SLC31A1: variants seen among roughly 807,000 people sequenced by gnomAD.
SLC31A1 encodes the protein solute carrier family 31 member 1.
Under a neutral mutation model 17.2 loss-of-function variants are expected in SLC31A1, and 5 were observed. The observed-to-expected ratio is 0.29, with a 90% CI of 0.15 to 0.61. SLC31A1 has a LOEUF of 0.61. Ranked by LOEUF, SLC31A1 falls within the 20% of genes least tolerant of loss-of-function variation. SLC31A1 has a pLI of 0.86. For missense variants in SLC31A1, 161 were observed against 241.4 expected, an observed-to-expected ratio of 0.67 and a Z score of 2.21; for synonymous variants, 76 against 78.8, an observed-to-expected ratio of 0.96 and a Z score of 0.19.
chr9:113,243,409 CT>C, intron 1 of SLC31A1, among the ~76,000 whole-genome samples: 1 of 152,270 alleles, frequency 6.6e-6, no homozygotes, highest in East Asian at 1.9e-4. Context: ...CACGTTATCA[CT>C]TTTTCCAGGA....
At chr9:113,246,930 G>T (rs1049492945) in intron 1 of SLC31A1, among the ~76,000 whole-genome samples, 3 of 152,096 alleles carry the variant, frequency 2.0e-5, no homozygotes, top group Admixed American at 2.0e-4. Context: ...GTGAGCCACC[G>T]CACCCGACCA....
chr9:113,247,387 A>T (rs7858741), intron 1 of SLC31A1, among the ~76,000 whole-genome samples: 11,904 of 152,246 alleles, frequency 0.078, 585 homozygotes, highest in South Asian at 0.14. Context: ...CCATGTGCAG[A>T]TGTATGACTA....
rs182399213 is a variant in SLC31A1, at chr9:113,252,457, G to A, written c.-35-3657G>A. On this transcript the variant is annotated intron_variant, in intron 1 of 4. Transcript: ENST00000374212. ...ACTACAGGTGCCTGCCACTAGGTCC[G>A]GGTACTTTTTGTATTTTCAGTAGAG... Among the ~76,000 whole-genome samples, 13 of 152,210 alleles carry A rather than the reference G, an allele frequency of 8.5e-5. No homozygotes were observed. The East Asian group carries it at 2.5e-3, about 29-fold the overall frequency.
intron 1 of SLC31A1, among the ~76,000 whole-genome samples, chr9:113,251,170 G>A (rs1011369160): frequency 1.3e-5 from 2 of 152,122 alleles, no homozygotes; most frequent in African/African-American, 4.8e-5. Flanking sequence ...TGCCTGTTAT[G>A]CCAGCACTTT....
chr9:113,221,676 A>G lies in SLC31A1; in HGVS notation c.-38A>G. On this transcript the variant is annotated splice_region_variant and 5_prime_UTR_variant, in exon 1 of 5. Coordinates refer to ENST00000374212, the MANE Select transcript of SLC31A1 (RefSeq NM_001859.4). ...TGCTAGTGGCTGGACTTGACCTGGA[A>G]AGGTAAGGCTTCTCTCGGCCCCTCT... 3.3e-6 allele frequency: 1 copy of G among 302,338 alleles called. No homozygotes were observed. Among genetic ancestry groups the G allele is most frequent in the Non-Finnish European group, 6.5e-6 (1 of 153,350 alleles). 18.7% of individuals were successfully genotyped at this position (302,338 alleles called of 1,614,324 possible).
chr9:113,245,228 T>G (rs538655849), intron 1 of SLC31A1, among the ~76,000 whole-genome samples: 5 of 152,118 alleles, frequency 3.3e-5, no homozygotes, highest in South Asian at 2.1e-4. Flanking sequence ...ATTTGGGTTT[T>G]GTTTTGTTTG....
chr9:113,251,617 T>A (rs1005789119), intron 1 of SLC31A1, among the ~76,000 whole-genome samples: 4 of 152,118 alleles, frequency 2.6e-5, no homozygotes, highest in Non-Finnish European at 4.4e-5. Context: ...CTAGAGAGAA[T>A]GGGTTAGGTG....
chr9:113,221,573 C>T lies in SLC31A1; in HGVS notation c.-141C>T. On this transcript the variant is annotated 5_prime_UTR_variant, in exon 1 of 5. Coordinates refer to ENST00000374212, the MANE Select transcript of SLC31A1 (RefSeq NM_001859.4). ...CCTCGGCCTCGGTGGCGGTGGTGGA[C>T]ACGTCGAGCCGGGTAGAAGTGGAGG... The T allele has an allele frequency of 4.5e-6, 2 of 442,028 alleles. No homozygotes were observed. The highest frequency in any genetic ancestry group is 4.2e-6 in the Non-Finnish European group (1 of 236,046). The allele number at this position is 442,028 out of a possible 1,614,324, so 27.4% of individuals were successfully genotyped here.
chr9:113,236,062 A>C (rs903116162), intron 1 of SLC31A1, among the ~76,000 whole-genome samples: 1 of 152,214 alleles, frequency 6.6e-6, no homozygotes. Context: ...ATCTCGGCTC[A>C]CTGCAACCTC....
chr9:113,263,462 T>G lies in SLC31A1; in HGVS notation c.*2989T>G, dbSNP rs545799686. 3 of 152,802 alleles carry G rather than the reference T, an allele frequency of 2.0e-5. No individual in the cohort carries two copies. Among genetic ancestry groups the G allele is most frequent in the Admixed American group, 2.0e-4 (3 of 15,290 alleles). The allele number at this position is 152,802 out of a possible 1,614,324, so 9.5% of individuals were successfully genotyped here. A position where few individuals can be genotyped will look rare whatever the true frequency, so the allele number is the denominator to read the frequency against. On this transcript the variant is annotated 3_prime_UTR_variant, in exon 5 of 5. Coordinates refer to ENST00000374212, the MANE Select transcript of SLC31A1 (RefSeq NM_001859.4). ...TTCTTTGTTCATTTTGGATCTAAAC[T>G]TCTCTTTTCTTCCTTCCCCATTCAC...
At chr9:113,222,696 G>T (rs777231766) in intron 1 of SLC31A1, among the ~76,000 whole-genome samples, 4 of 152,186 alleles carry the variant, frequency 2.6e-5, no homozygotes, top group Non-Finnish European at 4.4e-5. Context: ...AGCAGCGAAG[G>T]CTCACAGTTG....
chr9:113,250,631 A>C (rs1262769571), intron 1 of SLC31A1, among the ~76,000 whole-genome samples: 1 of 151,462 alleles, frequency 6.6e-6, no homozygotes, highest in Non-Finnish European at 1.5e-5. Flanking sequence ...ATACATATGT[A>C]ACTAACCTGC....
At chr9:113,230,287 G>A (rs1196107705) in intron 1 of SLC31A1, among the ~76,000 whole-genome samples, 3 of 152,132 alleles carry the variant, frequency 2.0e-5, no homozygotes, top group Non-Finnish European at 4.4e-5. Flanking sequence ...GCGGTGGCGC[G>A]ATCTCAGCTC....
intron 1 of SLC31A1, among the ~76,000 whole-genome samples, chr9:113,233,053 A>G (rs1255678813): frequency 2.0e-5 from 3 of 152,240 alleles, no homozygotes; most frequent in African/African-American, 4.8e-5. Context: ...GGTAGTTGCT[A>G]TAAACATCCT....
At chr9:113,255,556 A>G (rs965068628) in intron 1 of SLC31A1, among the ~76,000 whole-genome samples, 1 of 152,058 alleles carries the variant, frequency 6.6e-6, no homozygotes, top group Non-Finnish European at 1.5e-5. Flanking sequence ...GTACGATAAA[A>G]CAAAAAATTA....
intron 1 of SLC31A1, among the ~76,000 whole-genome samples, chr9:113,235,877 C>G (rs1377687861): frequency 2.0e-5 from 3 of 152,176 alleles, no homozygotes; most frequent in Non-Finnish European, 4.4e-5. Context: ...AAGATTGGTT[C>G]TGGAAAGTAA....
intron 1 of SLC31A1, among the ~76,000 whole-genome samples, chr9:113,221,890 C>G (rs1015543112): frequency 6.6e-6 from 1 of 152,232 alleles, no homozygotes; most frequent in Admixed American, 6.5e-5. Context: ...CTCAGTTTCC[C>G]CGTGTATGCA....
intron 1 of SLC31A1, among the ~76,000 whole-genome samples, chr9:113,228,954 C>T (rs1252608880): frequency 6.6e-6 from 1 of 151,888 alleles, no homozygotes; most frequent in Non-Finnish European, 1.5e-5. Flanking sequence ...TCAAGTGATT[C>T]TCCTGCCTTA....
At chr9:113,237,576 A>G (rs946854807) in intron 1 of SLC31A1, among the ~76,000 whole-genome samples, 2 of 152,216 alleles carry the variant, frequency 1.3e-5, no homozygotes, top group Non-Finnish European at 2.9e-5. Flanking sequence ...CATGCTACGA[A>G]TAATGAAAAG....
Sources: allele counts gnomAD v4.1 joint callset (sites outside exome capture counted in the v4.1 genomes callset), GRCh38; gene constraint gnomAD v4.1.1; transcripts MANE v1.5; gene names NCBI Gene and HGNC (gene_info 2026-07-23, HGNC 2026-07-21).